CSNK2A1: variants seen among roughly 807,000 people sequenced by gnomAD.
CSNK2A1 encodes casein kinase II subunit alpha.
In CSNK2A1, 10 loss-of-function variants were observed where a neutral mutation model predicts 62.9. That is an observed-to-expected ratio of 0.16 (90% confidence interval 0.10 to 0.27). The LOEUF (loss-of-function observed/expected upper bound fraction) is 0.27. Among genes scored for constraint, CSNK2A1 ranks in the 10% least tolerant of loss-of-function variants. The pLI is 1.00. For synonymous variants in CSNK2A1, 124 were observed against 167.8 expected (o/e 0.74, Z 2.02); for missense variants, 160 against 492.0 (o/e 0.33, Z 6.38).
In CSNK2A1 at chr20:477,513, G is replaced by A. The variant is rs2017870709; in HGVS notation, c.*6448C>T. 1 of 152,408 alleles carries A rather than the reference G, an allele frequency of 6.6e-6. No individual in the cohort carries two copies. The highest frequency in any genetic ancestry group is 2.4e-5 in the African/African-American group (1 of 41,414). The allele number at this position is 152,408 out of a possible 1,614,324, so 9.4% of individuals were successfully genotyped here. A position where few individuals can be genotyped will look rare whatever the true frequency, so the allele number is the denominator to read the frequency against. ...GGCAACAACAGCTAGTATTCTTCTA[G>A]TTTTTACCACCCCCACCACCTCAAT... On this transcript the variant is annotated 3_prime_UTR_variant, in exon 14 of 14. Coordinates refer to ENST00000217244, the MANE Select transcript of CSNK2A1 (RefSeq NM_177559.3).
At chr20:498,096 C>T in intron 6 of CSNK2A1, 1 of 240,692 alleles carries the variant, frequency 4.2e-6, no homozygotes, top group Non-Finnish European at 8.1e-6. Context: ...ATCTTCAGAC[C>T]TTCTCAAAAG....
chr20:520,168 T>G (rs903183992), intron 2 of CSNK2A1, among the ~76,000 whole-genome samples: 1 of 152,002 alleles, frequency 6.6e-6, no homozygotes, highest in Non-Finnish European at 1.5e-5. Flanking sequence ...TGGAATATGA[T>G]TAATTATATT....
intron 4 of CSNK2A1, chr20:502,955 A>C (rs2018501332): frequency 6.6e-6 from 1 of 152,256 alleles, no homozygotes; most frequent in Non-Finnish European, 1.5e-5. Context: ...GCCTGAAGAC[A>C]GCTCCTGGGA....
rs374853277 is a variant in CSNK2A1 at position 499,974 on chromosome 20, AAAT to A, written c.214-43_214-41del. The A allele has an allele frequency of 2.6e-3, 3,900 of 1,494,942 alleles. 8 individuals are homozygous for A. The highest frequency in any genetic ancestry group is 0.013 in the African/African-American group (875 of 68,588). 92.6% of individuals were successfully genotyped at this position (1,494,942 alleles called of 1,614,324 possible). A position where few individuals can be genotyped will look rare whatever the true frequency, so the allele number is the denominator to read the frequency against. On this transcript the variant is annotated intron_variant, in intron 4 of 13. Transcript: ENST00000217244. The surrounding 1 kb of genome is among the most constrained non-coding windows in gnomAD (Gnocchi z 4.2). ...GTACATCAGCAAAAAAAAAAAAAAA[AAAT>A]TTTTTCAGAGTATTTCAACACGTAG...
chr20:495,390 C>T, intron 8 of CSNK2A1: 1 of 276,314 alleles, frequency 3.6e-6, no homozygotes, highest in South Asian at 4.4e-5. Flanking sequence ...ATTACCCACA[C>T]TGTACACGTA....
intron 2 of CSNK2A1, among the ~76,000 whole-genome samples, chr20:525,556 C>CA (rs1182871673): frequency 1.4e-5 from 2 of 146,428 alleles, no homozygotes; most frequent in African/African-American, 5.1e-5. Flanking sequence ...GAGGCTGAGG[C>CA]AAGAGAATGG....
chr20:492,284 G>C lies in CSNK2A1; in HGVS notation c.591C>G (p.Phe197Leu). The C allele has an allele frequency of 6.2e-7, 1 of 1,613,782 alleles. No homozygotes were observed. Reference protein sequence around the residue: ...EYNVRVASRYFKGPELLVDYQ... With the variant: ...EYNVRVASRYLKGPELLVDYQ... ...AGTCTACAAGTAGCTCAGGACCTTT[G>C]AAGTATCGGGAAGCAACTCGGACAT... The change falls in exon 9 of 14, where the codon TTC (phenylalanine) becomes TTG (leucine). Residue 197 changes from phenylalanine (F) to leucine (L), a missense_variant. Coordinates refer to ENST00000217244, the MANE Select transcript of CSNK2A1 (RefSeq NM_177559.3).
intron 8 of CSNK2A1, among the ~76,000 whole-genome samples, chr20:493,647 A>C (rs888204879): frequency 2.0e-5 from 3 of 152,176 alleles, no homozygotes; most frequent in Non-Finnish European, 4.4e-5. Flanking sequence ...TTCAGGTTTC[A>C]CCAGTTTTAC....
Position 475,967 on chromosome 20 carries a change from G to A in CSNK2A1, c.*7994C>T, listed in dbSNP as rs772332230. On this transcript the variant is annotated 3_prime_UTR_variant, in exon 14 of 14. Transcript: ENST00000217244. ...TAGATCAGCTGAACTACATACAGTT[G>A]CCTTAGAAATTTGTGAGACTAAGAC... 1.3e-5 allele frequency: 2 copies of A among 152,242 alleles called. No homozygotes were observed. The highest frequency in any genetic ancestry group is 2.9e-5 in the Non-Finnish European group (2 of 68,062). 9.4% of individuals were successfully genotyped at this position (152,242 alleles called of 1,614,324 possible). A position where few individuals can be genotyped will look rare whatever the true frequency, so the allele number is the denominator to read the frequency against.
intron 1 of CSNK2A1, chr20:540,015 T>A (rs1322848128): frequency 6.6e-6 from 1 of 152,250 alleles, no homozygotes; most frequent in Non-Finnish European, 1.5e-5. Flanking sequence ...CTCCATTCCA[T>A]TTCAAAGCCT....
intron 2 of CSNK2A1, among the ~76,000 whole-genome samples, chr20:520,945 A>C (rs1255560291): frequency 1.3e-5 from 2 of 152,186 alleles, no homozygotes; most frequent in Non-Finnish European, 2.9e-5. Context: ...GTATAATCCC[A>C]GGCTGGGTGA....
intron 2 of CSNK2A1, among the ~76,000 whole-genome samples, chr20:513,664 C>T (rs1362753063): frequency 6.6e-6 from 1 of 152,180 alleles, no homozygotes; most frequent in Non-Finnish European, 1.5e-5. Context: ...ATCACCCAGT[C>T]TTCTTCTGCT....
At chr20:496,495 T>C (rs1030393725) in intron 7 of CSNK2A1, 7 of 152,370 alleles carry the variant, frequency 4.6e-5, no homozygotes, top group African/African-American at 1.7e-4. Context: ...TGGGGTTTGT[T>C]AATCCCAGCC....
At chr20:496,182 T>C (rs2018343386) in intron 7 of CSNK2A1, 1 of 189,044 alleles carries the variant, frequency 5.3e-6, no homozygotes, top group Admixed American at 5.4e-5. Context: ...AGTAATTCTT[T>C]AGCCATTAAG....
At chr20:486,328 G>A (rs758511762) in intron 13 of CSNK2A1, 48 bp downstream of exon 13, 12 of 1,605,942 alleles carry the variant, frequency 7.5e-6, no homozygotes, top group Middle Eastern at 1.6e-4. Flanking sequence ...GCTAAGAACA[G>A]TAATTGACTT....
chr20:473,027 A>C lies in CSNK2A1; in HGVS notation c.*10934T>G, dbSNP rs757737178. 3.3e-5 allele frequency: 5 copies of C among 152,332 alleles called. No individual in the cohort carries two copies. Among genetic ancestry groups the C allele is most frequent in the Non-Finnish European group, 7.3e-5 (5 of 68,136 alleles). The allele number at this position is 152,332 out of a possible 1,614,324, so 9.4% of individuals were successfully genotyped here. On this transcript the variant is annotated 3_prime_UTR_variant, in exon 14 of 14. Transcript: ENST00000217244. ...TGTCTCTAAAAAGTAAATAAAAAAA[A>C]GAGTTGGGCTAGGTTTGAGGTTTAT...
At chr20:500,229 ACATGTTAAT>A (rs777038429) in intron 4 of CSNK2A1, 6 of 307,160 alleles carry the variant, frequency 2.0e-5, no homozygotes, top group Non-Finnish European at 3.7e-5. Flanking sequence ...AACATGTTAA[ACATGTTAAT>A]GTCTTAAAAC....
At position 525,664 on chromosome 20, in the gene CSNK2A1, A is replaced by G. The variant is rs1362059802; in HGVS notation, c.-110+2269T>C. Among the ~76,000 whole-genome samples, 7 of 147,198 alleles carry G rather than the reference A, an allele frequency of 4.8e-5. No homozygotes were observed. The East Asian group carries it at 7.9e-4, about 17-fold the overall frequency. ...AGACTCCATCTCAAAAAAAAAAAAA[A>G]AAAGAAAAAAAAAATAATAATAATT... On this transcript the variant is annotated intron_variant, in intron 2 of 13. Coordinates refer to ENST00000217244, the MANE Select transcript of CSNK2A1 (RefSeq NM_177559.3).
In CSNK2A1 at chr20:473,608, G is replaced by A. The variant is rs928205602; in HGVS notation, c.*10353C>T. 2.6e-5 allele frequency: 4 copies of A among 152,266 alleles called. No individual in the cohort carries two copies. Among genetic ancestry groups the A allele is most frequent in the Admixed American group, 2.6e-4 (4 of 15,274 alleles). 9.4% of individuals were successfully genotyped at this position (152,266 alleles called of 1,614,324 possible). A position where few individuals can be genotyped will look rare whatever the true frequency, so the allele number is the denominator to read the frequency against. ...CAGTAGCTGCCATTGTCTTCTTCCAGATCTTGAGACATTTTATTAAAACTT... is the reference window on the plus strand; with the variant it reads ...CAGTAGCTGCCATTGTCTTCTTCCAAATCTTGAGACATTTTATTAAAACTT... On this transcript the variant is annotated 3_prime_UTR_variant, in exon 14 of 14. Transcript: ENST00000217244.
Sources: gnomAD v4.1 joint callset for allele counts (sites outside exome capture counted in the v4.1 genomes callset) on GRCh38, gnomAD v4.1.1 for gene constraint, Gnocchi (gnomAD v3.1) non-coding constraint, MANE v1.5 for transcripts, NCBI Gene and HGNC (gene_info 2026-07-23, HGNC 2026-07-21) for gene names.